Variants in SYT5 observed in about 807,000 individuals in gnomAD.
The protein encoded by SYT5 is synaptotagmin-5.
In SYT5, 29 loss-of-function variants were observed where a neutral mutation model predicts 36.0. That is an observed-to-expected ratio of 0.81 (90% confidence interval 0.60 to 1.10). The LOEUF is 1.10. Among genes scored for constraint, SYT5 ranks in the 50% least tolerant of loss-of-function variants. The probability of loss-of-function intolerance (pLI) is 0.00; values close to 1 mark genes in which losing one functional copy is unlikely to be tolerated. For synonymous variants in SYT5, 231 were observed against 227.6 expected (o/e 1.02, Z -0.14); for missense variants, 512 against 516.0 (o/e 0.99, Z 0.08).
intron 8 of SYT5, chr19:55,174,021 G>A: frequency 3.3e-6 from 1 of 300,898 alleles, no homozygotes; most frequent in Non-Finnish European, 6.1e-6. Flanking sequence ...TAGGGTAGGC[G>A]CCGTCCCTAA....
In SYT5 at chr19:55,172,424, A is replaced by AC. The variant is rs1180028287; in HGVS notation, c.*1059_*1060insG. On this transcript the variant is annotated 3_prime_UTR_variant, in exon 9 of 9. Transcript: ENST00000354308. Reference sequence around the variant, plus strand: ...CGACAAAGTGAGACTTCATCTCAAAAAAACAAAAACAAAAACAAAAAAACA... The same window carrying AC: ...CGACAAAGTGAGACTTCATCTCAAAACAAACAAAAACAAAAACAAAAAAACA... 1 of 151,296 alleles carries AC rather than the reference A, an allele frequency of 6.6e-6. No homozygotes were observed. Among genetic ancestry groups the AC allele is most frequent in the Non-Finnish European group, 1.5e-5 (1 of 67,932 alleles). 9.4% of individuals were successfully genotyped at this position (151,296 alleles called of 1,614,324 possible).
chr19:55,171,202 G>A lies in SYT5; in HGVS notation c.*2282C>T, dbSNP rs4547456. The A allele has an allele frequency of 0.17, 25,441 of 151,868 alleles. 3,927 individuals carry two copies. Among genetic ancestry groups the A allele is most frequent in the African/African-American group, 0.41 (16,802 of 41,310 alleles). The allele number at this position is 151,868 out of a possible 1,614,324, so 9.4% of individuals were successfully genotyped here. ...CACAGTTTGGACTCATTTGTCAACT[G>A]GGAATAATGATCATGTTTATTTCAT... On this transcript the variant is annotated 3_prime_UTR_variant, in exon 9 of 9. Transcript: ENST00000354308.
rs1037208826 is a variant in SYT5 at position 55,179,588 on chromosome 19, G to T, written c.-45-502C>A. The T allele has an allele frequency of 5.7e-6, 1 of 174,466 alleles. No homozygotes were observed. Among genetic ancestry groups the T allele is most frequent in the African/African-American group, 2.4e-5 (1 of 42,380 alleles). The allele number at this position is 174,466 out of a possible 1,614,324, so 10.8% of individuals were successfully genotyped here. A position where few individuals can be genotyped will look rare whatever the true frequency, so the allele number is the denominator to read the frequency against. On this transcript the variant is annotated intron_variant, in intron 1 of 8. Transcript: ENST00000354308. The surrounding 1 kb of genome is among the most constrained non-coding windows in gnomAD (Gnocchi z 4.5). ...CGACTGGGATCCTGAGGTCCCGCGA[G>T]GTGGGGAGCGGGCAGCCTGTGGTCC...
chr19:55,171,365 A>G lies in SYT5; in HGVS notation c.*2119T>C, dbSNP rs2147320574. The G allele has an allele frequency of 6.6e-6, 1 of 152,026 alleles. No homozygotes were observed. Among genetic ancestry groups the G allele is most frequent in the Non-Finnish European group, 1.5e-5 (1 of 68,082 alleles). The allele number at this position is 152,026 out of a possible 1,614,324, so 9.4% of individuals were successfully genotyped here. ...CACACACTCACACACATGAAAAGTTACTGAATTCCTTTGGAGAAAAATTAA... is the reference window on the plus strand; with the variant it reads ...CACACACTCACACACATGAAAAGTTGCTGAATTCCTTTGGAGAAAAATTAA... On this transcript the variant is annotated 3_prime_UTR_variant, in exon 9 of 9. Coordinates refer to ENST00000354308, the MANE Select transcript of SYT5 (RefSeq NM_003180.3).
At position 55,172,117 on chromosome 19, in the gene SYT5, GA is replaced by G. The variant is rs1340484216; in HGVS notation, c.*1366del. ...AAAGAAGAAGAGAAGAAAAGAAATA[GA>G]AAAGAAAAGAAAAGAAGAAGGGCCG... is the stretch of plus-strand genomic sequence containing the variant. On this transcript the variant is annotated 3_prime_UTR_variant, in exon 9 of 9. Transcript: ENST00000354308. The G allele has an allele frequency of 1.3e-5, 2 of 151,774 alleles. No homozygotes were observed. The highest frequency in any genetic ancestry group is 4.8e-5 in the African/African-American group (2 of 41,314). 9.4% of individuals were successfully genotyped at this position (151,774 alleles called of 1,614,324 possible). A position where few individuals can be genotyped will look rare whatever the true frequency, so the allele number is the denominator to read the frequency against.
In SYT5 at chr19:55,178,902, C is replaced by T. The variant is rs2086110117; in HGVS notation, c.79+61G>A. 4 of 1,391,346 alleles carry T rather than the reference C, an allele frequency of 2.9e-6. No homozygotes were observed. In the South Asian group the frequency reaches 5.1e-5, roughly 18 times the overall value. 86.2% of individuals were successfully genotyped at this position (1,391,346 alleles called of 1,614,324 possible). ...CCGAGTACACCCGTCCGAATCCCGC[C>T]CCTCGGAATCCTGGCCAGGCTTTCT... On this transcript the variant is annotated intron_variant, in intron 2 of 8. Transcript: ENST00000354308.
rs994512309 is a variant in SYT5 at position 55,173,727 on chromosome 19, G to C, written c.961-43C>G. On this transcript the variant is annotated intron_variant, in intron 8 of 8. Coordinates refer to ENST00000354308, the MANE Select transcript of SYT5 (RefSeq NM_003180.3). The surrounding 1 kb of genome is among the most constrained non-coding windows in gnomAD (Gnocchi z 5.4). ...GGAAGAGGAGAGAGGAGCGTGAGGGGAGGAGGCCCCGGAAGGGGCGGTGTC... is the reference window on the plus strand; with the variant it reads ...GGAAGAGGAGAGAGGAGCGTGAGGGCAGGAGGCCCCGGAAGGGGCGGTGTC... 9.9e-6 allele frequency: 13 copies of C among 1,317,234 alleles called. No individual in the cohort carries two copies. Among genetic ancestry groups the C allele is most frequent in the Middle Eastern group, 2.7e-4 (1 of 3,688 alleles). The allele number at this position is 1,317,234 out of a possible 1,614,324, so 81.6% of individuals were successfully genotyped here.
chr19:55,173,298 A>C lies in SYT5; in HGVS notation c.*186T>G. ...GCGAGGGTCGGGGGAGTGTGCTGGA[A>C]AGTTGTCGTGATTGGCATCGTTGGG... On this transcript the variant is annotated 3_prime_UTR_variant, in exon 9 of 9. Transcript: ENST00000354308. The surrounding 1 kb of genome is among the most constrained non-coding windows in gnomAD (Gnocchi z 5.4). The C allele has an allele frequency of 2.2e-6, 1 of 462,374 alleles. No homozygotes were observed. The highest frequency in any genetic ancestry group is 3.5e-6 in the Non-Finnish European group (1 of 282,720). 28.6% of individuals were successfully genotyped at this position (462,374 alleles called of 1,614,324 possible).
In SYT5 at chr19:55,175,109, C is replaced by T. The variant is rs897737465; in HGVS notation, c.708+63G>A. 42 of 1,582,660 alleles carry T rather than the reference C, an allele frequency of 2.7e-5. No homozygotes were observed. The highest frequency in any genetic ancestry group is 3.5e-5 in the Non-Finnish European group (41 of 1,168,100). On this transcript the variant is annotated intron_variant, in intron 6 of 8. Transcript: ENST00000354308. This position sits in a 1 kb window ranked among gnomAD's most constrained non-coding sequence, Gnocchi z 4.5. ...TGGAAAGCCTATGATCTGATTGGCT[C>T]AGGATGTTGTGGGCGGGACTGGGCC...
At position 55,175,710 on chromosome 19, in the gene SYT5, T is replaced by A. The variant is rs755603596; in HGVS notation, c.539A>T (p.Lys180Met). 1.2e-6 allele frequency: 2 copies of A among 1,613,234 alleles called. No individual in the cohort carries two copies. The highest frequency in any genetic ancestry group is 3.3e-5 in the Admixed American group (2 of 60,008). Residue 180 changes from lysine to methionine, a missense_variant and splice_region_variant, in exon 5 of 9, where the codon AAG becomes ATG. Transcript: ENST00000354308. This position sits in a 1 kb window ranked among gnomAD's most constrained non-coding sequence, Gnocchi z 4.5. The part of the protein sequence containing the change: ...NPHFGETFAF[K>M]VPYVELGGRV... ...CGGGGCCTGAAGGCAGGAGCTCACC[T>A]TGAAGGCGAAGGTCTCCCCAAAGTG...
chr19:55,173,935 CG>C lies in SYT5; in HGVS notation c.961-252del. 2.5e-6 allele frequency: 1 copy of C among 401,044 alleles called. No homozygotes were observed. The highest frequency in any genetic ancestry group is 4.3e-6 in the Non-Finnish European group (1 of 230,082). 24.8% of individuals were successfully genotyped at this position (401,044 alleles called of 1,614,324 possible). On this transcript the variant is annotated intron_variant, in intron 8 of 8. Transcript: ENST00000354308. This position sits in a 1 kb window ranked among gnomAD's most constrained non-coding sequence, Gnocchi z 5.4. Reference sequence around the variant, plus strand: ...GAACCCTCAGGACTCGGTTGCGGAGCGGGTGTGTTCGGCGCCTCCTGGGGGA... The same window carrying C: ...GAACCCTCAGGACTCGGTTGCGGAGCGGTGTGTTCGGCGCCTCCTGGGGGA...
Position 55,179,122 on chromosome 19 carries a change from C to T in SYT5, c.-45-36G>A, listed in dbSNP as rs756754021. ...ATTCCCACCCCAGACGTCCTTTGAG[C>T]CCCACGCACAACAAAGAACTCCAAC... On this transcript the variant is annotated intron_variant, in intron 1 of 8. Transcript: ENST00000354308. The surrounding 1 kb of genome is among the most constrained non-coding windows in gnomAD (Gnocchi z 4.5). 38 of 1,544,382 alleles carry T rather than the reference C, an allele frequency of 2.5e-5. No individual in the cohort carries two copies. The African/African-American group carries it at 4.9e-4, about 20-fold the overall frequency.
rs1021486697 is a variant in SYT5 at position 55,172,517 on chromosome 19, AAG to A, written c.*965_*966del. ...GACAGAAAGAAAACAAAAAGGAAAA[AAG>A]AAAAGAAAAAAGAAAGAGGTGAAGT... On this transcript the variant is annotated 3_prime_UTR_variant, in exon 9 of 9. Coordinates refer to ENST00000354308, the MANE Select transcript of SYT5 (RefSeq NM_003180.3). 1 of 152,194 alleles carries A rather than the reference AAG, an allele frequency of 6.6e-6. No homozygotes were observed. Among genetic ancestry groups the A allele is most frequent in the African/African-American group, 2.4e-5 (1 of 41,452 alleles). 9.4% of individuals were successfully genotyped at this position (152,194 alleles called of 1,614,324 possible). A position where few individuals can be genotyped will look rare whatever the true frequency, so the allele number is the denominator to read the frequency against.
In SYT5 at chr19:55,176,063, T is replaced by A. The variant is rs1255590622; in HGVS notation, c.314A>T (p.Asp105Val). ...CTGCAGTCGTCCTAGCTCATGCTTGTCTGCCACCTGCTGCCCTGGCCCGGA... is the reference window on the plus strand; with the variant it reads ...CTGCAGTCGTCCTAGCTCATGCTTGACTGCCACCTGCTGCCCTGGCCCGGA... ...APSGPGQQVA[D>V]KHELGRLQYS... The change falls in exon 4 of 9, where the codon GAC (aspartate) becomes GTC (valine). Residue 105 changes from aspartate to valine, a missense_variant. Coordinates refer to ENST00000354308, the MANE Select transcript of SYT5 (RefSeq NM_003180.3). 2 of 1,614,072 alleles carry A rather than the reference T, an allele frequency of 1.2e-6. No individual in the cohort carries two copies. The highest frequency in any genetic ancestry group is 1.7e-6 in the Non-Finnish European group (2 of 1,180,046).
Position 55,173,260 on chromosome 19 carries a change from T to G in SYT5, c.*224A>C. The stretch of plus-strand genomic sequence containing the variant: ...TTCCCTTCCCGGGGTCCCTGGGGCA[T>G]CTGGGTGTGTCCGCGAGGGTCGGGG... On this transcript the variant is annotated 3_prime_UTR_variant, in exon 9 of 9. Coordinates refer to ENST00000354308, the MANE Select transcript of SYT5 (RefSeq NM_003180.3). The surrounding 1 kb of genome is among the most constrained non-coding windows in gnomAD (Gnocchi z 5.4). 2.4e-6 allele frequency: 1 copy of G among 411,842 alleles called. No homozygotes were observed. The highest frequency in any genetic ancestry group is 4.2e-6 in the Non-Finnish European group (1 of 238,582). 25.5% of individuals were successfully genotyped at this position (411,842 alleles called of 1,614,324 possible).
At position 55,178,366 on chromosome 19, in the gene SYT5, G is replaced by C. The variant is rs2086101686; in HGVS notation, c.82C>G (p.Pro28Ala). 2 of 1,609,318 alleles carry C rather than the reference G, an allele frequency of 1.2e-6. No individual in the cohort carries two copies. Among genetic ancestry groups the C allele is most frequent in the Admixed American group, 1.7e-5 (1 of 59,100 alleles). Residue 28 changes from proline to alanine, a missense_variant and splice_region_variant, in exon 3 of 9, where the codon CCC becomes GCC. Pro to Ala is a conservative substitution (Grantham distance 27, BLOSUM62 -1). Transcript: ENST00000354308. ...ACGATGGTGGCCAGGGCCCAGGGGG[G>C]CACTGCAGAGGGGTGGAGACAACAC... ...DSSRISHGPV[P>A]PWALATIVLV...
intron 7 of SYT5, 60 bp from the exon 8 acceptor site, chr19:55,174,710 G>C (rs1251255863): frequency 6.2e-7 from 1 of 1,611,540 alleles, no homozygotes; most frequent in African/African-American, 1.3e-5. Flanking sequence ...GACCAACATA[G>C]AAACACTGCC....
At position 55,179,018 on chromosome 19, in the gene SYT5, CG is replaced by C. The variant is rs772611932; in HGVS notation, c.23del (p.Pro8ArgfsTer67). ...GAGGCGTGTCGGGCGATGGAGGCCC[CG>C]GGGTTGGGGGCTCCGGGAACATGGT... MFPEPPT[P>X]GPPSPDTPPD... On this transcript the variant is annotated frameshift_variant, in exon 2 of 9. Coordinates refer to ENST00000354308, the MANE Select transcript of SYT5 (RefSeq NM_003180.3). LOFTEE classifies it high-confidence loss of function. This position sits in a 1 kb window ranked among gnomAD's most constrained non-coding sequence, Gnocchi z 4.5. The C allele has an allele frequency of 3.8e-5, 61 of 1,603,650 alleles. No homozygotes were observed. The highest frequency in any genetic ancestry group is 5.1e-5 in the Non-Finnish European group (60 of 1,175,692).
At position 55,175,788 on chromosome 19, in the gene SYT5, G is replaced by A; in HGVS notation, c.461C>T (p.Pro154Leu). The change falls in exon 5 of 9, where the codon CCG becomes CTG. Residue 154 changes from proline (P) to leucine (L), a missense_variant. Physicochemically the swap from Pro to Leu is moderately conservative, Grantham distance 98. Transcript: ENST00000354308. The surrounding 1 kb of genome is among the most constrained non-coding windows in gnomAD (Gnocchi z 4.5). Reference sequence around the variant, plus strand: ...GGTCTCGTACCGCCTCCGTTTGTCCGGCAGCAGGTAGACCCGCACATAGGG... The same window carrying A: ...GGTCTCGTACCGCCTCCGTTTGTCCAGCAGCAGGTAGACCCGCACATAGGG... ...SDPYVRVYLL[P>L]DKRRRYETKV... The A allele has an allele frequency of 6.2e-7, 1 of 1,614,176 alleles. No individual in the cohort carries two copies. Among genetic ancestry groups the A allele is most frequent in the Non-Finnish European group, 8.5e-7 (1 of 1,180,034 alleles).
Sources: gnomAD v4.1 joint callset for allele counts on GRCh38, gnomAD v4.1.1 for gene constraint, Gnocchi (gnomAD v3.1) non-coding constraint, MANE v1.5 for transcripts, NCBI Gene and HGNC (gene_info 2026-07-23, HGNC 2026-07-21) for gene names.